ARK2C: variants seen among roughly 807,000 people sequenced by gnomAD.
ARK2C encodes the protein E3 ubiquitin-protein ligase ARK2C.
chr18:46,375,653 G>C, the ARK2C span, among the ~76,000 whole-genome samples: 10 of 151,994 alleles, frequency 6.6e-5, no homozygotes, highest in East Asian at 1.9e-3. Context: ...CGTTATATGA[G>C]CTGCCACATC....
At chr18:46,371,743 T>G in the ARK2C span, among the ~76,000 whole-genome samples, 14 of 152,306 alleles carry the variant, frequency 9.2e-5, no homozygotes, top group African/African-American at 3.4e-4. Context: ...TTCCCAGTGA[T>G]ACAGATGAGG....
At chr18:46,363,725 T>A in the ARK2C span, among the ~76,000 whole-genome samples, 2 of 152,110 alleles carry the variant, frequency 1.3e-5, no homozygotes, top group African/African-American at 4.8e-5. Flanking sequence ...GCTGGCCTTG[T>A]AGTCCCAGCT....
chr18:46,371,225 C>T, the ARK2C span, among the ~76,000 whole-genome samples: 7 of 152,150 alleles, frequency 4.6e-5, no homozygotes, highest in East Asian at 1.9e-4. Context: ...GCCCTTGACA[C>T]GTGAGGATTA....
the ARK2C span, among the ~76,000 whole-genome samples, chr18:46,431,799 C>T: frequency 6.6e-6 from 1 of 152,192 alleles, no homozygotes; most frequent in Admixed American, 6.5e-5. Flanking sequence ...TCCCTGTTCT[C>T]GGCTCTGCCC....
At chr18:46,339,769 C>G in the ARK2C span, among the ~76,000 whole-genome samples, 31 of 152,350 alleles carry the variant, frequency 2.0e-4, no homozygotes, top group South Asian at 6.4e-3. Context: ...CCAGCAAATA[C>G]TATTAGTTAC....
chr18:46,352,324 T>A, the ARK2C span, among the ~76,000 whole-genome samples: 4 of 152,180 alleles, frequency 2.6e-5, no homozygotes, highest in African/African-American at 9.7e-5. Context: ...TAGCCTCAGT[T>A]TGCACTGGCT....
chr18:46,351,805 C>T, the ARK2C span, among the ~76,000 whole-genome samples: 3 of 152,200 alleles, frequency 2.0e-5, no homozygotes, highest in Admixed American at 6.5e-5. Flanking sequence ...AGTGTCCCAC[C>T]GTGGCGGCAG....
the ARK2C span, chr18:46,456,676 G>T: frequency 1.4e-6 from 2 of 1,429,586 alleles, no homozygotes; most frequent in South Asian, 2.3e-5. Flanking sequence ...TCCTTCACCA[G>T]GTCCCCCCAC....
chr18:46,413,226 C>T, the ARK2C span, among the ~76,000 whole-genome samples: 1 of 152,110 alleles, frequency 6.6e-6, no homozygotes, highest in African/African-American at 2.4e-5. Context: ...CGACCCGTTC[C>T]AAGGGTACTG....
At chr18:46,394,160 G>T in the ARK2C span, among the ~76,000 whole-genome samples, 1 of 152,250 alleles carries the variant, frequency 6.6e-6, no homozygotes, top group East Asian at 1.9e-4. Context: ...AGACAGATGG[G>T]GTCCCCTGCC....
chr18:46,337,146 C>T, the ARK2C span: 3 of 985,232 alleles, frequency 3.0e-6, no homozygotes. Flanking sequence ...AAGGCCCCTA[C>T]TTTGAGGGCC....
At chr18:46,455,484 A>C in the ARK2C span, among the ~76,000 whole-genome samples, 1 of 152,094 alleles carries the variant, frequency 6.6e-6, no homozygotes, top group Non-Finnish European at 1.5e-5. Context: ...TGTCCACTTG[A>C]CCTCTTCCTA....
At chr18:46,424,130 A>T in the ARK2C span, among the ~76,000 whole-genome samples, 1 of 152,258 alleles carries the variant, frequency 6.6e-6, no homozygotes, top group Non-Finnish European at 1.5e-5. Context: ...GCCACAAATC[A>T]GATGGAGAGG....
At chr18:46,356,523 G>A in the ARK2C span, among the ~76,000 whole-genome samples, 50 of 152,306 alleles carry the variant, frequency 3.3e-4, no homozygotes, top group Non-Finnish European at 1.0e-4. Flanking sequence ...GCAGATCCCA[G>A]GGGTTGATTC....
At chr18:46,454,225 A>T in the ARK2C span, among the ~76,000 whole-genome samples, 1 of 152,000 alleles carries the variant, frequency 6.6e-6, no homozygotes, top group African/African-American at 2.4e-5. Context: ...TAACTATTAA[A>T]GGAAAATCAT....
At chr18:46,383,550 GTTTTTTTTTT>G in the ARK2C span, among the ~76,000 whole-genome samples, 19 of 97,892 alleles carry the variant, frequency 1.9e-4, no homozygotes, top group Admixed American at 3.5e-4. Flanking sequence ...GGTTTTCTCT[GTTTTTTTTTT>G]TTTTTTTTTT....
At chr18:46,402,655 C>T in the ARK2C span, among the ~76,000 whole-genome samples, 2 of 152,206 alleles carry the variant, frequency 1.3e-5, no homozygotes, top group South Asian at 2.1e-4. Flanking sequence ...GCATGCACCA[C>T]CATGCCTGGA....
the ARK2C span, among the ~76,000 whole-genome samples, chr18:46,375,637 T>C: frequency 4.6e-5 from 7 of 152,014 alleles, no homozygotes; most frequent in African/African-American, 1.4e-4. Context: ...CTTGAATGAA[T>C]TGCGCCGTTA....
chr18:46,380,150 G>C, the ARK2C span, among the ~76,000 whole-genome samples: 1 of 152,200 alleles, frequency 6.6e-6, no homozygotes, highest in South Asian at 2.1e-4. Context: ...CTCCATCTTC[G>C]TGTCTCTGCC....
Sources: allele counts gnomAD v4.1 joint callset (sites outside exome capture counted in the v4.1 genomes callset), GRCh38; gene constraint gnomAD v4.1.1; transcripts MANE v1.5; gene names NCBI Gene and HGNC (gene_info 2026-07-23, HGNC 2026-07-21).